KCNK10: variants seen among roughly 807,000 people sequenced by gnomAD.
The protein encoded by KCNK10 is potassium two pore domain channel subfamily K member 10.
A neutral mutation model predicts 47.7 loss-of-function variants in KCNK10; 25 were observed. That is an observed-to-expected ratio of 0.52 (90% confidence interval 0.38 to 0.73). The LOEUF is 0.73. KCNK10 is among the 30% of genes least tolerant of loss of function. The probability of loss-of-function intolerance (pLI) is 0.00; values close to 1 mark genes in which losing one functional copy is unlikely to be tolerated. For synonymous variants in KCNK10, 303 were observed against 285.6 expected (o/e 1.06, Z -0.61); for missense variants, 563 against 714.5 (o/e 0.79, Z 2.42).
upstream of KCNK10, among the ~76,000 whole-genome samples, chr14:88,325,525 T>C (rs1888642698): frequency 6.6e-6 from 1 of 152,176 alleles, no homozygotes; most frequent in South Asian, 2.1e-4. Context: ...GGTCACGATA[T>C]GAGGATTCAA....
At chr14:88,326,360 T>C (rs1010575089), upstream of KCNK10, 14 of 1,481,286 alleles carry the variant, frequency 9.5e-6, no homozygotes, top group Admixed American at 8.4e-5. Flanking sequence ...GCTACTGCAA[T>C]CCCCCTCCAT....
At chr14:88,196,015 G>A (rs1055165301) in intron 4 of KCNK10, among the ~76,000 whole-genome samples, 2 of 152,238 alleles carry the variant, frequency 1.3e-5, no homozygotes, top group Admixed American at 1.3e-4. Flanking sequence ...ACTGTTATCA[G>A]GGAAGAGATG....
chr14:88,287,674 GGTGTGT>G (rs199702993), intron 1 of KCNK10, among the ~76,000 whole-genome samples: 5,954 of 141,436 alleles, frequency 0.042, 189 homozygotes, highest in East Asian at 0.097. Context: ...AGTATTCCAT[GGTGTGT>G]GTGTGTGTGT....
In KCNK10 at chr14:88,181,833, G is replaced by A. The variant is rs1595064969; in HGVS notation, c.*3702C>T. 1 of 152,256 alleles carries A rather than the reference G, an allele frequency of 6.6e-6. No homozygotes were observed. Among genetic ancestry groups the A allele is most frequent in the Admixed American group, 6.5e-5 (1 of 15,274 alleles). 9.4% of individuals were successfully genotyped at this position (152,256 alleles called of 1,614,324 possible). ...ATTTTGTGAACTCATGGACTAGGGA[G>A]TGTTTCATTAGAGAACTGCACAACT... On this transcript the variant is annotated 3_prime_UTR_variant, in exon 7 of 7. Coordinates refer to ENST00000319231, the MANE Select transcript of KCNK10 (RefSeq NM_138317.3).
At chr14:88,272,553 G>T (rs1301131209) in intron 1 of KCNK10, among the ~76,000 whole-genome samples, 1 of 152,138 alleles carries the variant, frequency 6.6e-6, no homozygotes, top group African/African-American at 2.4e-5. Flanking sequence ...CCTCAGGTCT[G>T]CGTGTCAGGA....
chr14:88,180,619 A>T lies in KCNK10; in HGVS notation c.*4916T>A. 1 of 396,690 alleles carries T rather than the reference A, an allele frequency of 2.5e-6. No individual in the cohort carries two copies. The highest frequency in any genetic ancestry group is 4.4e-5 in the Admixed American group (1 of 22,700). The allele number at this position is 396,690 out of a possible 1,614,324, so 24.6% of individuals were successfully genotyped here. ...GATTTTTCACCTAAGAATCAAGAAC[A>T]CAAAGTAGATACCAAATCTCAGGCA... is the stretch of plus-strand genomic sequence containing the variant. On this transcript the variant is annotated 3_prime_UTR_variant, in exon 7 of 7. Coordinates refer to ENST00000319231, the MANE Select transcript of KCNK10 (RefSeq NM_138317.3).
intron 1 of KCNK10, among the ~76,000 whole-genome samples, chr14:88,283,208 T>C (rs1887688057): frequency 6.6e-6 from 1 of 152,198 alleles, no homozygotes; most frequent in African/African-American, 2.4e-5. Context: ...GATCACGATA[T>C]GATCACTCTT....
chr14:88,294,804 T>C (rs1037159505), intron 1 of KCNK10, among the ~76,000 whole-genome samples: 1 of 152,208 alleles, frequency 6.6e-6, no homozygotes, highest in African/African-American at 2.4e-5. Flanking sequence ...ATATGCTACT[T>C]CAAGGGCACG....
chr14:88,240,649 G>A (rs183167989), intron 3 of KCNK10, 54 bp downstream of exon 3: 20 of 1,121,574 alleles, frequency 1.8e-5, no homozygotes, highest in African/African-American at 7.6e-5. Flanking sequence ...CTGACTAAGC[G>A]CCCTTACTCA....
intron 4 of KCNK10, among the ~76,000 whole-genome samples, chr14:88,205,883 C>T (rs1221179659): frequency 6.6e-6 from 1 of 152,010 alleles, no homozygotes; most frequent in Non-Finnish European, 1.5e-5. Flanking sequence ...ATTTTAGCAC[C>T]TCAAGAAAAT....
intron 4 of KCNK10, among the ~76,000 whole-genome samples, chr14:88,211,475 T>G (rs957865531): frequency 3.3e-5 from 5 of 152,194 alleles, no homozygotes; most frequent in Admixed American, 2.0e-4. Context: ...GCCACTGAAC[T>G]GTACACTTAA....
chr14:88,324,817 G>C (rs12894165), upstream of KCNK10, among the ~76,000 whole-genome samples: 63,939 of 151,980 alleles, frequency 0.42, 13,694 homozygotes, highest in Middle Eastern at 0.5. Flanking sequence ...CCATCCATCC[G>C]TCACTATCAC....
At chr14:88,195,603 T>G (rs910695917) in intron 4 of KCNK10, among the ~76,000 whole-genome samples, 1 of 152,188 alleles carries the variant, frequency 6.6e-6, no homozygotes, top group African/African-American at 2.4e-5. Context: ...CTCATTCTCC[T>G]TTGGTTCCTC....
At chr14:88,321,173 T>C (rs1888538931) in intron 1 of KCNK10, among the ~76,000 whole-genome samples, 1 of 152,196 alleles carries the variant, frequency 6.6e-6, no homozygotes, top group Admixed American at 6.5e-5. Flanking sequence ...CATATACACA[T>C]ACCTCTTCTG....
chr14:88,294,464 T>C lies in KCNK10; in HGVS notation c.52+28283A>G, dbSNP rs143082584. ...CTGGATGCATGATCTGAGCCCTAGA[T>C]TGAGCTTTGCCTGGACTGTTCAGTT... On this transcript the variant is annotated intron_variant, in intron 1 of 6. Coordinates refer to ENST00000319231, the MANE Select transcript of KCNK10 (RefSeq NM_138317.3). Among the ~76,000 whole-genome samples, 813 of 152,358 alleles carry C rather than the reference T, an allele frequency of 5.3e-3. 3 individuals are homozygous for C. Among genetic ancestry groups the C allele is most frequent in the Middle Eastern group, 0.017 (5 of 294 alleles).
chr14:88,249,664 G>A (rs977622922), intron 2 of KCNK10, among the ~76,000 whole-genome samples: 1 of 152,070 alleles, frequency 6.6e-6, no homozygotes. Flanking sequence ...CTTCAGCTTG[G>A]GCAAGTTATT....
intron 4 of KCNK10, among the ~76,000 whole-genome samples, chr14:88,202,944 T>C (rs1885148541): frequency 1.3e-5 from 2 of 152,196 alleles, no homozygotes; most frequent in Admixed American, 6.5e-5. Flanking sequence ...GGTGAGGGAC[T>C]GGAACCCTGA....
intron 1 of KCNK10, among the ~76,000 whole-genome samples, chr14:88,276,625 G>A (rs1887532972): frequency 6.6e-6 from 1 of 152,108 alleles, no homozygotes; most frequent in African/African-American, 2.4e-5. Flanking sequence ...CTGCTCTTTA[G>A]CTAACAGACT....
chr14:88,287,922 C>G (rs1887801235), intron 1 of KCNK10, among the ~76,000 whole-genome samples: 1 of 152,170 alleles, frequency 6.6e-6, no homozygotes. Context: ...TTTAAGGAAT[C>G]TCCACACTGT....
Sources: allele counts gnomAD v4.1 joint callset (sites outside exome capture counted in the v4.1 genomes callset), GRCh38; gene constraint gnomAD v4.1.1; transcripts MANE v1.5; gene names NCBI Gene and HGNC (gene_info 2026-07-23, HGNC 2026-07-21).